The following ZFAT variants were observed in gnomAD, a reference collection of about 807,000 sequenced individuals.
The protein encoded by ZFAT is zinc finger and AT-hook domain containing.
Under a neutral mutation model 117.7 loss-of-function variants are expected in ZFAT, and 64 were observed. The ratio of observed to expected loss-of-function variants is 0.54; its 90% CI spans 0.44 to 0.67. The LOEUF (loss-of-function observed/expected upper bound fraction) is 0.67. Among genes scored for constraint, ZFAT ranks in the 30% least tolerant of loss-of-function variants. The pLI, the probability that ZFAT is intolerant of heterozygous loss-of-function variation, is 0.00. For synonymous variants in ZFAT, 679 were observed against 615.0 expected (o/e 1.10, Z -1.54); for missense variants, 1,433 against 1,584.5 (o/e 0.90, Z 1.62).
At chr8:134,725,524 G>A in the ZFAT span, among the ~76,000 whole-genome samples, 1 of 152,078 alleles carries the variant, frequency 6.6e-6, no homozygotes, top group Non-Finnish European at 1.5e-5. Flanking sequence ...CAGATCTCAT[G>A]AGAACTCTAT....
At chr8:134,573,202 C>T (rs1825055331) in intron 10 of ZFAT, among the ~76,000 whole-genome samples, 1 of 152,116 alleles carries the variant, frequency 6.6e-6, no homozygotes, top group Non-Finnish European at 1.5e-5. Context: ...TGTAACAATC[C>T]ATTGAGCTGT....
At chr8:134,787,950 TTTTG>T in the ZFAT span, among the ~76,000 whole-genome samples, 34 of 152,280 alleles carry the variant, frequency 2.2e-4, no homozygotes, top group Middle Eastern at 0.01. Context: ...TGATAAGTTA[TTTTG>T]TTTGTTGAGT....
chr8:134,581,367 G>C (rs6577654), intron 10 of ZFAT, among the ~76,000 whole-genome samples: 1 of 151,896 alleles, frequency 6.6e-6, no homozygotes, highest in Non-Finnish European at 1.5e-5. Context: ...AAGCTGTACC[G>C]GCCCCTCCTA....
At chr8:134,710,494 C>G (rs1216086761) in intron 1 of ZFAT, among the ~76,000 whole-genome samples, 1 of 152,228 alleles carries the variant, frequency 6.6e-6, no homozygotes, top group Non-Finnish European at 1.5e-5. Flanking sequence ...TTTGGACGTA[C>G]CTATGATCCA....
chr8:134,815,183 G>A, the ZFAT span, among the ~76,000 whole-genome samples: 1 of 152,156 alleles, frequency 6.6e-6, no homozygotes, highest in Admixed American at 6.5e-5. Context: ...ACTTTTTACT[G>A]CTATGCTAGT....
Position 134,602,787 on chromosome 8 carries a change from T to C in ZFAT, c.932A>G (p.Lys311Arg). 1.2e-6 allele frequency: 2 copies of C among 1,614,218 alleles called. No individual in the cohort carries two copies. The highest frequency in any genetic ancestry group is 1.7e-6 in the Non-Finnish European group (2 of 1,180,038). ...GCGCAGGTGCACATTGAGGTTGGCC[T>C]TGATGGCACTGGCATAGCTGCACTG... ...CPQCSYASAI[K>R]ANLNVHLRKH... is the part of the protein sequence containing the mutation. The change falls in exon 6 of 16, where the codon AAG (lysine) becomes AGG (arginine). Residue 311 changes from lysine (K) to arginine (R), a missense_variant. Lys to Arg is a conservative substitution (Grantham distance 26). Transcript: ENST00000377838.
At chr8:134,712,769 G>A in intron 1 of ZFAT, 76 bp downstream of exon 1, 3 of 1,398,834 alleles carry the variant, frequency 2.1e-6, no homozygotes, top group African/African-American at 1.5e-5. Flanking sequence ...CCGACTCGAC[G>A]CTCGAAACGG....
chr8:134,760,785 G>A, the ZFAT span, among the ~76,000 whole-genome samples: 4 of 152,170 alleles, frequency 2.6e-5, no homozygotes, highest in Non-Finnish European at 4.4e-5. Flanking sequence ...GTGAAGGAAG[G>A]AGGGGGATGG....
intron 15 of ZFAT, among the ~76,000 whole-genome samples, chr8:134,486,111 C>T (rs1233494664): frequency 1.3e-5 from 2 of 152,150 alleles, no homozygotes; most frequent in Non-Finnish European, 2.9e-5. Flanking sequence ...AAATAAAACC[C>T]GTTGGCCCTA....
At chr8:134,678,807 T>C (rs1242595442) in intron 1 of ZFAT, among the ~76,000 whole-genome samples, 1 of 152,156 alleles carries the variant, frequency 6.6e-6, no homozygotes, top group African/African-American at 2.4e-5. Flanking sequence ...TATCTGATCT[T>C]TGACAAACCT....
chr8:134,807,020 T>C, the ZFAT span, among the ~76,000 whole-genome samples: 1 of 152,162 alleles, frequency 6.6e-6, no homozygotes, highest in Non-Finnish European at 1.5e-5. Context: ...GCATTAGCAT[T>C]TTACTTTTAA....
the ZFAT span, among the ~76,000 whole-genome samples, chr8:134,736,006 A>C: frequency 2.7e-4 from 41 of 152,292 alleles, 1 homozygote; most frequent in African/African-American, 9.6e-4. Flanking sequence ...TCAAGCAGGC[A>C]AGGTTAAGGC....
the ZFAT span, among the ~76,000 whole-genome samples, chr8:134,775,379 C>G: frequency 6.6e-6 from 1 of 152,174 alleles, no homozygotes; most frequent in East Asian, 1.9e-4. Flanking sequence ...TAACAAGTTT[C>G]AAGATTTTCT....
the ZFAT span, among the ~76,000 whole-genome samples, chr8:134,820,932 C>T: frequency 1.3e-5 from 2 of 152,142 alleles, no homozygotes; most frequent in Admixed American, 1.3e-4. Context: ...ATGGTGCCTA[C>T]CATATATGAA....
At position 134,608,809 on chromosome 8, in the gene ZFAT, T is replaced by G. The variant is rs758431045; in HGVS notation, c.705A>C (p.Ser235=). 1.2e-6 allele frequency: 2 copies of G among 1,610,446 alleles called. No individual in the cohort carries two copies. Among genetic ancestry groups the G allele is most frequent in the South Asian group, 2.2e-5 (2 of 90,198 alleles). ...ETGATNSETT[S]ADLVPRRGYQ... ...AGCCTCTCCGAGGCACCAGGTCTGC[T>G]GAAGTGGTCTCAGAATTTGTAGCTC... The change falls in exon 5 of 16, where the codon TCA becomes TCC. Residue 235 remains serine, a synonymous_variant. Transcript: ENST00000377838.
intron 1 of ZFAT, among the ~76,000 whole-genome samples, chr8:134,698,436 C>A (rs7821751): frequency 0.76 from 114,933 of 152,132 alleles, 43,560 homozygotes; most frequent in South Asian, 0.83. Flanking sequence ...CTGACAGCGC[C>A]GGACAGCCAA....
chr8:134,623,818 A>G (rs1829299097), intron 3 of ZFAT, among the ~76,000 whole-genome samples: 1 of 151,838 alleles, frequency 6.6e-6, no homozygotes, highest in Non-Finnish European at 1.5e-5. Flanking sequence ...TCAGTGCTCG[A>G]CGTCTCTGTA....
At chr8:134,483,877 A>G (rs758244978) in intron 15 of ZFAT, among the ~76,000 whole-genome samples, 2 of 152,086 alleles carry the variant, frequency 1.3e-5, no homozygotes, top group South Asian at 2.1e-4. Flanking sequence ...ACCCATCGTC[A>G]TCCATTCATC....
chr8:134,482,878 GGGTTC>G (rs1173262590), intron 15 of ZFAT, among the ~76,000 whole-genome samples: 1 of 152,198 alleles, frequency 6.6e-6, no homozygotes, highest in Admixed American at 6.5e-5. Flanking sequence ...AAGACACGCA[GGGTTC>G]CTGAAGGTCC....
Sources: gnomAD v4.1 joint callset for allele counts (sites outside exome capture counted in the v4.1 genomes callset) on GRCh38, gnomAD v4.1.1 for gene constraint, MANE v1.5 for transcripts, NCBI Gene and HGNC (gene_info 2026-07-23, HGNC 2026-07-21) for gene names.